The following SPATA13 variants were observed in gnomAD, a reference collection of about 807,000 sequenced individuals.
The protein encoded by SPATA13 is spermatogenesis-associated protein 13.
Under a neutral mutation model 104.0 loss-of-function variants are expected in SPATA13, and 50 were observed. That is an observed-to-expected ratio of 0.48 (90% confidence interval 0.38 to 0.61). SPATA13 has a LOEUF of 0.61. Among genes scored for constraint, SPATA13 ranks in the 20% least tolerant of loss-of-function variants. The pLI is 0.00. For synonymous variants in SPATA13, 606 were observed against 667.5 expected, an observed-to-expected ratio of 0.91 and a Z score of 1.42; for missense variants, 1,524 against 1,690.6, an observed-to-expected ratio of 0.90 and a Z score of 1.73.
chr13:24,243,324 G>C (rs1872951086), intron 2 of SPATA13, among the ~76,000 whole-genome samples: 1 of 152,148 alleles, frequency 6.6e-6, no homozygotes, highest in African/African-American at 2.4e-5. Flanking sequence ...TCTGGGGTCT[G>C]TAGGTTTTAC....
chr13:24,017,861 A>G (rs1030001693), intron 3 of SPATA13, among the ~76,000 whole-genome samples: 18 of 152,154 alleles, frequency 1.2e-4, no homozygotes, highest in African/African-American at 1.2e-4. Flanking sequence ...TGATAGTTTC[A>G]CACTTTTCTT....
rs778083305 is a variant in SPATA13, at chr13:24,296,901, TG to T, written c.3211-458del. Among the ~76,000 whole-genome samples, 7 of 152,192 alleles carry T rather than the reference TG, an allele frequency of 4.6e-5. 1 individual carries two copies. The South Asian group carries it at 1.5e-3, about 32-fold the overall frequency. On this transcript the variant is annotated intron_variant, in intron 10 of 12. Transcript: ENST00000382108. The stretch of plus-strand genomic sequence containing the variant: ...CTTTGAGGCCCTGCCCACCTGTGAA[TG>T]GGGACAGGTGGTAGGCAGCCTCAGG...
chr13:24,173,540 G>C (rs1467711037), intron 1 of SPATA13, among the ~76,000 whole-genome samples: 9 of 127,074 alleles, frequency 7.1e-5, no homozygotes, highest in Non-Finnish European at 1.5e-4. Context: ...TTATTGCATT[G>C]GCTATGGCAT....
intron 2 of SPATA13, among the ~76,000 whole-genome samples, chr13:24,237,457 C>T (rs930496844): frequency 2.6e-5 from 4 of 152,148 alleles, no homozygotes; most frequent in African/African-American, 4.8e-5. Flanking sequence ...AGAATAAATA[C>T]TGTATGATTC....
At chr13:24,096,456 G>A (rs995290317) in intron 3 of SPATA13, among the ~76,000 whole-genome samples, 4 of 152,028 alleles carry the variant, frequency 2.6e-5, no homozygotes, top group Admixed American at 2.0e-4. Flanking sequence ...AAAAATAGCT[G>A]GGCGTGGTGG....
intron 4 of SPATA13, among the ~76,000 whole-genome samples, chr13:24,276,531 T>C (rs901318027): frequency 3.9e-5 from 6 of 152,190 alleles, no homozygotes; most frequent in Admixed American, 6.5e-5. Context: ...GTGTTTAATA[T>C]GTGTGGCCGT....
chr13:24,275,911 G>T (rs1260928073), intron 4 of SPATA13, among the ~76,000 whole-genome samples: 1 of 152,204 alleles, frequency 6.6e-6, no homozygotes, highest in Non-Finnish European at 1.5e-5. Context: ...TCCAGCCTGG[G>T]CGACAGAGCA....
chr13:24,002,450 A>T (rs978550976), intron 2 of SPATA13, among the ~76,000 whole-genome samples: 1 of 152,152 alleles, frequency 6.6e-6, no homozygotes, highest in Non-Finnish European at 1.5e-5. Flanking sequence ...ACAGAGTGAC[A>T]CACTCTGGGG....
chr13:24,074,004 T>G (rs1026629016), intron 3 of SPATA13, among the ~76,000 whole-genome samples: 2 of 152,248 alleles, frequency 1.3e-5, no homozygotes, highest in Non-Finnish European at 2.9e-5. Flanking sequence ...ACATTGTAAT[T>G]TACACTTAGC....
At chr13:24,295,664 A>G (rs1239623365) in intron 10 of SPATA13, among the ~76,000 whole-genome samples, 1 of 59,954 alleles carries the variant, frequency 1.7e-5, no homozygotes, top group African/African-American at 7.1e-5. Flanking sequence ...GGTCCAACAA[A>G]TTCTCACTCT....
intron 3 of SPATA13, chr13:24,033,678 A>C (rs949394607): frequency 6.6e-6 from 1 of 152,206 alleles, no homozygotes; most frequent in Non-Finnish European, 1.5e-5. Flanking sequence ...CCCCCATCTC[A>C]TGCTAAGCAC....
intron 2 of SPATA13, among the ~76,000 whole-genome samples, chr13:23,989,299 G>A (rs1442935677): frequency 2.0e-5 from 3 of 151,960 alleles, no homozygotes; most frequent in Admixed American, 6.6e-5. Context: ...GCATGCGCCT[G>A]TAGTCCCAGC....
rs1380806247 is a variant in SPATA13 at position 24,009,126 on chromosome 13, C to T, written c.-146-8541C>T. ...AGGGTGCCCTGAAAACCTCAGCCAG[C>T]CTGCTATCCCCACCTAAACTCTGCT... On this transcript the variant is annotated intron_variant, in intron 2 of 14. Coordinates refer to the SPATA13 transcript ENST00000424834. Among the ~76,000 whole-genome samples the T allele has an allele frequency of 2.2e-4, 33 of 151,800 alleles. 2 individuals carry two copies. The highest frequency in any genetic ancestry group is 2.2e-3 in the Admixed American group (33 of 15,260).
chr13:24,088,547 A>G lies in SPATA13; in HGVS notation c.-112+70846A>G, dbSNP rs1385810946. Among the ~76,000 whole-genome samples, 3 of 152,190 alleles carry G rather than the reference A, an allele frequency of 2.0e-5. No homozygotes were observed. The highest frequency in any genetic ancestry group is 4.4e-5 in the Non-Finnish European group (3 of 68,032). On this transcript the variant is annotated intron_variant, in intron 3 of 14. Coordinates refer to the SPATA13 transcript ENST00000424834. This position sits in a 1 kb window ranked among gnomAD's most constrained non-coding sequence, Gnocchi z 4.3. ...CAGCCCAAAGACTGGCAGAATCTCA[A>G]TACTGTCCCAGCAGGTGGCAACTGC...
intron 3 of SPATA13, among the ~76,000 whole-genome samples, chr13:24,100,028 G>C (rs966919717): frequency 6.6e-6 from 1 of 152,202 alleles, no homozygotes; most frequent in East Asian, 1.9e-4. Context: ...AGTTCTCTTT[G>C]CTGACCAGAG....
At chr13:24,065,490 G>A (rs1032227919) in intron 3 of SPATA13, among the ~76,000 whole-genome samples, 5 of 152,130 alleles carry the variant, frequency 3.3e-5, no homozygotes, top group African/African-American at 1.2e-4. Context: ...TCTTACTTTT[G>A]AGCAAGTCTT....
intron 1 of SPATA13, among the ~76,000 whole-genome samples, chr13:24,166,229 C>G (rs1339322742): frequency 6.6e-6 from 1 of 152,062 alleles, no homozygotes; most frequent in Admixed American, 6.5e-5. Flanking sequence ...AGAGACAGTC[C>G]CATTTTCATG....
intron 1 of SPATA13, among the ~76,000 whole-genome samples, chr13:24,182,545 C>T (rs1161286293): frequency 6.6e-6 from 1 of 151,860 alleles, no homozygotes; most frequent in East Asian, 1.9e-4. Context: ...AAACAGCCAG[C>T]TCGAAGTGAA....
chr13:23,983,447 G>T (rs1440698089), intron 1 of SPATA13, among the ~76,000 whole-genome samples: 1 of 152,176 alleles, frequency 6.6e-6, no homozygotes, highest in South Asian at 2.1e-4. Flanking sequence ...AGGTACTGGA[G>T]TCAGGACTTC....
Sources: allele counts gnomAD v4.1 joint callset (sites outside exome capture counted in the v4.1 genomes callset), GRCh38; gene constraint gnomAD v4.1.1; non-coding constraint Gnocchi (gnomAD v3.1); transcripts MANE v1.5; gene names NCBI Gene and HGNC (gene_info 2026-07-23, HGNC 2026-07-21).